Variants in CEP350 observed in about 807,000 individuals in gnomAD.
CEP350 encodes the protein centrosome-associated protein 350.
Under a neutral mutation model 331.8 loss-of-function variants are expected in CEP350, and 126 were observed. The ratio of observed to expected loss-of-function variants is 0.38; its 90% CI spans 0.33 to 0.44. The LOEUF (loss-of-function observed/expected upper bound fraction) is 0.44, where lower values mean the gene tolerates loss of function less well. Ranked by LOEUF, CEP350 falls within the 20% of genes least tolerant of loss-of-function variation. The probability of loss-of-function intolerance (pLI) is 1.00; values close to 1 mark genes in which losing one functional copy is unlikely to be tolerated. For synonymous variants in CEP350, 1,200 were observed against 1,259.5 expected, an observed-to-expected ratio of 0.95 and a Z score of 1.00; for missense variants, 3,406 against 3,634.6, an observed-to-expected ratio of 0.94 and a Z score of 1.62.
At chr1:180,019,144 G>A (rs957851382) in intron 11 of CEP350, among the ~76,000 whole-genome samples, 3 of 152,046 alleles carry the variant, frequency 2.0e-5, no homozygotes, top group Non-Finnish European at 2.9e-5. Context: ...GGCATCAGCC[G>A]CTGTTCCTGG....
chr1:179,972,406 A>G (rs1288459203), intron 1 of CEP350, among the ~76,000 whole-genome samples: 2 of 152,180 alleles, frequency 1.3e-5, no homozygotes, highest in East Asian at 3.8e-4. Flanking sequence ...TATTGTATGT[A>G]TGGAGTGTTG....
At chr1:180,002,843 A>G (rs562867440) in intron 6 of CEP350, among the ~76,000 whole-genome samples, 5 of 152,334 alleles carry the variant, frequency 3.3e-5, no homozygotes, top group Middle Eastern at 3.4e-3. Flanking sequence ...AATAAGACAC[A>G]AAAGACACAT....
chr1:179,985,022 T>C (rs1269083957), intron 1 of CEP350, among the ~76,000 whole-genome samples: 1 of 152,178 alleles, frequency 6.6e-6, no homozygotes, highest in African/African-American at 2.4e-5. Context: ...AAATTTACCA[T>C]TACAACCATT....
At chr1:180,071,741 C>T in intron 27 of CEP350, among the ~76,000 whole-genome samples, 1 of 151,256 alleles carries the variant, frequency 6.6e-6, no homozygotes, top group Non-Finnish European at 1.5e-5. Context: ...GAGATGGTGC[C>T]ACTGCACTCC....
At chr1:180,030,398 C>T (rs1655950586) in intron 14 of CEP350, among the ~76,000 whole-genome samples, 1 of 148,826 alleles carries the variant, frequency 6.7e-6, no homozygotes, top group African/African-American at 2.5e-5. Context: ...AAATTTGGGC[C>T]ACTATTAAAA....
intron 27 of CEP350, among the ~76,000 whole-genome samples, chr1:180,072,269 T>C (rs550848519): frequency 7.9e-5 from 12 of 152,228 alleles, no homozygotes; most frequent in Non-Finnish European, 1.5e-4. Context: ...CTTTGGAATA[T>C]GCTTAATCTT....
chr1:180,080,093 CT>C (rs1297466194), intron 29 of CEP350, among the ~76,000 whole-genome samples: 1 of 152,100 alleles, frequency 6.6e-6, no homozygotes, highest in Non-Finnish European at 1.5e-5. Context: ...GAAATTTTGT[CT>C]TTTGTTCTCT....
chr1:179,992,029 T>G, intron 4 of CEP350, 33 bp from the exon 5 acceptor site: 1 of 1,495,244 alleles, frequency 6.7e-7, no homozygotes, highest in Non-Finnish European at 8.8e-7. Flanking sequence ...GTATTTTATA[T>G]TATATGTTCT....
intron 1 of CEP350, among the ~76,000 whole-genome samples, chr1:179,964,800 T>A (rs1053754701): frequency 6.6e-6 from 1 of 151,870 alleles, no homozygotes; most frequent in Non-Finnish European, 1.5e-5. Context: ...GAGGTTTATC[T>A]ATCTTGCTTA....
At chr1:180,041,516 A>G (rs1310512539) in intron 18 of CEP350, 146 bp from the exon 19 acceptor site, 2 of 819,922 alleles carry the variant, frequency 2.4e-6, no homozygotes. Flanking sequence ...TGAACAGTAG[A>G]GTTAAGACTT....
Position 180,082,191 on chromosome 1 carries a change from G to A in CEP350, c.6124+1530G>A, listed in dbSNP as rs146662345. The stretch of plus-strand genomic sequence containing the variant: ...CAAGGATTAATAATAACATTTGTAA[G>A]ATACTGTTTTATTGGTGACACTTAT... On this transcript the variant is annotated intron_variant, in intron 30 of 37. Coordinates refer to ENST00000367607, the MANE Select transcript of CEP350 (RefSeq NM_014810.5). Among the ~76,000 whole-genome samples the A allele has an allele frequency of 8.7e-4, 133 of 152,290 alleles. 1 individual carries two copies. The highest frequency in any genetic ancestry group is 3.4e-3 in the Middle Eastern group (1 of 294).
intron 22 of CEP350, among the ~76,000 whole-genome samples, chr1:180,050,612 G>A (rs9425852): frequency 0.29 from 42,664 of 148,206 alleles, 7,357 homozygotes; most frequent in African/African-American, 0.5. Context: ...GCAGGGAGCC[G>A]AGATGGTGCC....
Position 180,007,548 on chromosome 1 carries a change from G to A in CEP350, c.1246+981G>A, listed in dbSNP as rs550684074. 8.5e-5 allele frequency among the ~76,000 whole-genome samples: 13 copies of A among 152,270 alleles called. No homozygotes were observed. The East Asian group carries it at 2.5e-3, about 29-fold the overall frequency. Reference sequence around the variant, plus strand: ...GATTGCAAAATTTTTCTCCCATTCTGTAGGTTGCCTGTTCACTTTGGTGAT... The same window carrying A: ...GATTGCAAAATTTTTCTCCCATTCTATAGGTTGCCTGTTCACTTTGGTGAT... On this transcript the variant is annotated intron_variant, in intron 8 of 37. Coordinates refer to ENST00000367607, the MANE Select transcript of CEP350 (RefSeq NM_014810.5).
intron 26 of CEP350, among the ~76,000 whole-genome samples, chr1:180,062,896 C>T (rs970373251): frequency 4.6e-5 from 7 of 152,306 alleles, no homozygotes; most frequent in South Asian, 2.1e-4. Context: ...ACATTCAAAC[C>T]GTAGCAATGC....
Position 180,093,565 on chromosome 1 carries a change from C to T in CEP350, c.7460C>T (p.Ser2487Leu), listed in dbSNP as rs1289646447. The change falls in exon 34 of 38, where the codon TCA (serine) becomes TTA (leucine). Residue 2487 changes from serine (S) to leucine (L), a missense_variant. Physicochemically the swap from Ser to Leu is moderately radical, Grantham distance 145 (BLOSUM62 -2). This residue lies in a region of CEP350 where 1,415 missense variants were observed against 1,512.3 expected (regional missense o/e 0.94). Transcript: ENST00000367607. ...QQVTESPSLA[S>L]VPTADELFDF... is the part of the protein sequence containing the mutation. The stretch of plus-strand genomic sequence containing the variant: ...GTTACTGAATCCCCTTCCTTGGCTT[C>T]AGTTCCTACTGCAGACGAGTTATTT... 3 of 1,613,910 alleles carry T rather than the reference C, an allele frequency of 1.9e-6. No homozygotes were observed. The highest frequency in any genetic ancestry group is 2.5e-6 in the Non-Finnish European group (3 of 1,179,836).
At chr1:180,028,403 G>A (rs1008996179) in intron 14 of CEP350, among the ~76,000 whole-genome samples, 2 of 152,126 alleles carry the variant, frequency 1.3e-5, no homozygotes, top group African/African-American at 2.4e-5. Flanking sequence ...CTCACCTAAG[G>A]TCACTAACTT....
chr1:180,034,025 A>G lies in CEP350; in HGVS notation c.3889A>G (p.Thr1297Ala). ...AGGATTTAAGCCTAATGCACCTCTC[A>G]CTGATCTGAACCCGGCAGCCAGCAG... Reference protein sequence around the residue: ...ITGFKPNAPLTDLNPAASRTT... With the variant: ...ITGFKPNAPLADLNPAASRTT... The change falls in exon 16 of 38, where the codon ACT (threonine) becomes GCT (alanine). Residue 1297 changes from threonine (T) to alanine (A), a missense_variant. Transcript: ENST00000367607. 2.5e-6 allele frequency: 4 copies of G among 1,613,858 alleles called. No homozygotes were observed. The highest frequency in any genetic ancestry group is 2.2e-5 in the East Asian group (1 of 44,888).
chr1:179,972,806 G>A lies in CEP350; in HGVS notation c.-13-13363G>A, dbSNP rs188984962. Among the ~76,000 whole-genome samples the A allele has an allele frequency of 4.1e-3, 627 of 152,228 alleles. 2 individuals are homozygous for A. The highest frequency in any genetic ancestry group is 0.014 in the Middle Eastern group (4 of 294). ...TTTAATGAGAGTTATTCAGAAATGG[G>A]GATGGCAACCACATTGGAGTTGCTT... On this transcript the variant is annotated intron_variant, in intron 1 of 37. Coordinates refer to ENST00000367607, the MANE Select transcript of CEP350 (RefSeq NM_014810.5).
chr1:179,973,175 TACA>T (rs1258492222), intron 1 of CEP350, among the ~76,000 whole-genome samples: 12 of 152,208 alleles, frequency 7.9e-5, no homozygotes, highest in Admixed American at 7.9e-4. Flanking sequence ...CCGCAATAGG[TACA>T]ACATTTTTAA....
Sources: allele counts gnomAD v4.1 joint callset (sites outside exome capture counted in the v4.1 genomes callset), GRCh38; gene constraint gnomAD v4.1.1; regional missense constraint gnomAD v4.1.1; transcripts MANE v1.5; gene names NCBI Gene and HGNC (gene_info 2026-07-23, HGNC 2026-07-21).